The following RBPJ variants were observed in gnomAD, a reference collection of about 807,000 sequenced individuals.
RBPJ encodes recombining binding protein suppressor of hairless.
Under a neutral mutation model 67.8 loss-of-function variants are expected in RBPJ, and 9 were observed. The ratio of observed to expected loss-of-function variants is 0.13; its 90% CI spans 0.08 to 0.23. The LOEUF (loss-of-function observed/expected upper bound fraction) is 0.23. Among genes scored for constraint, RBPJ ranks in the 10% least tolerant of loss-of-function variants. The probability of loss-of-function intolerance (pLI) is 1.00; values close to 1 mark genes in which losing one functional copy is unlikely to be tolerated. For missense variants in RBPJ, 305 were observed against 595.6 expected (o/e 0.51, Z 5.08); for synonymous variants, 198 against 203.3 (o/e 0.97, Z 0.22).
chr4:26,381,169 G>A (rs556138800), intron 1 of RBPJ, among the ~76,000 whole-genome samples: 1 of 151,062 alleles, frequency 6.6e-6, no homozygotes, highest in South Asian at 2.1e-4. Context: ...GTGTTAAGAT[G>A]GTGTAGTTTT....
chr4:26,134,473 G>A, the RBPJ span, among the ~76,000 whole-genome samples: 1 of 152,230 alleles, frequency 6.6e-6, no homozygotes, highest in African/African-American at 2.4e-5. Flanking sequence ...AGCCCTGAGA[G>A]TGGAGGACTG....
Position 26,364,598 on chromosome 4 carries a change from CTT to C in RBPJ, c.21-21742_21-21741del, listed in dbSNP as rs10939108. On this transcript the variant is annotated intron_variant, in intron 1 of 10. Transcript: ENST00000355476. ...GGGAAGTCCTGTTCTATTTGGAAGA[CTT>C]TTTTTTTTTTTTCTTTTTCATTTTC... Among the ~76,000 whole-genome samples, 664 of 125,376 alleles carry C rather than the reference CTT, an allele frequency of 5.3e-3. 7 individuals are homozygous for C. Among genetic ancestry groups the C allele is most frequent in the African/African-American group, 0.015 (511 of 33,678 alleles). The allele number at this position is 125,376 out of a possible 152,430, so 82.3% of individuals were successfully genotyped here.
chr4:26,166,833 G>A (rs1177438941), intron 1 of RBPJ, among the ~76,000 whole-genome samples: 1 of 152,006 alleles, frequency 6.6e-6, no homozygotes, highest in Non-Finnish European at 1.5e-5. Flanking sequence ...TTTCTTCTAG[G>A]GTTTTTATGG....
chr4:26,360,274 A>G (rs1374086050), intron 1 of RBPJ, among the ~76,000 whole-genome samples: 1 of 152,218 alleles, frequency 6.6e-6, no homozygotes, highest in East Asian at 1.9e-4. Flanking sequence ...CCTGCCTGGA[A>G]AAGCCATTCC....
At chr4:26,304,544 G>T (rs1722172215) in intron 1 of RBPJ, among the ~76,000 whole-genome samples, 2 of 152,230 alleles carry the variant, frequency 1.3e-5, no homozygotes, top group Non-Finnish European at 2.9e-5. Flanking sequence ...ACTAGCAGGT[G>T]AGAAATGGTA....
intron 1 of RBPJ, among the ~76,000 whole-genome samples, chr4:26,324,765 G>A (rs1287204705): frequency 6.6e-6 from 1 of 152,152 alleles, no homozygotes; most frequent in African/African-American, 2.4e-5. Context: ...CTGACCTCAA[G>A]GGATCTGCCC....
intron 1 of RBPJ, among the ~76,000 whole-genome samples, chr4:26,191,277 C>T (rs1717534994): frequency 8.0e-6 from 1 of 124,320 alleles, no homozygotes; most frequent in Middle Eastern, 6.2e-3. Flanking sequence ...AGAGAGAGAT[C>T]GTATCAAGTG....
At chr4:26,320,835 A>G (rs756852858), upstream of RBPJ, 52 of 1,563,538 alleles carry the variant, frequency 3.3e-5, no homozygotes, top group Non-Finnish European at 4.2e-5. Flanking sequence ...CAGGGAAGGC[A>G]GCGAGCAGGA....
chr4:26,318,791 G>A (rs1722754086), upstream of RBPJ, among the ~76,000 whole-genome samples: 1 of 151,860 alleles, frequency 6.6e-6, no homozygotes, highest in South Asian at 2.1e-4. Flanking sequence ...GAGGTCAGGA[G>A]ATCGAGACCA....
intron 1 of RBPJ, among the ~76,000 whole-genome samples, chr4:26,309,756 A>T (rs908763386): frequency 1.3e-5 from 2 of 152,212 alleles, no homozygotes; most frequent in Non-Finnish European, 2.9e-5. Flanking sequence ...ATTCCCTTAT[A>T]AATAGATAAC....
chr4:26,268,738 G>A (rs547499752), intron 1 of RBPJ, among the ~76,000 whole-genome samples: 3 of 152,028 alleles, frequency 2.0e-5, no homozygotes, highest in African/African-American at 4.8e-5. Flanking sequence ...CCTGGCTGAG[G>A]GGGGAGGGGC....
At chr4:26,315,570 G>A (rs769912789), upstream of RBPJ, among the ~76,000 whole-genome samples, 6 of 152,038 alleles carry the variant, frequency 3.9e-5, no homozygotes, top group Admixed American at 3.9e-4. Flanking sequence ...ACTGATGAGG[G>A]TTTATGTTCA....
intron 1 of RBPJ, among the ~76,000 whole-genome samples, chr4:26,165,881 A>C (rs1209427300): frequency 1.7e-5 from 2 of 114,306 alleles, no homozygotes; most frequent in East Asian, 2.4e-4. Context: ...CCCACCCCAC[A>C]ACAGTCCCCA....
At chr4:26,403,469 T>TA (rs2109731380) in intron 2 of RBPJ, among the ~76,000 whole-genome samples, 1 of 152,310 alleles carries the variant, frequency 6.6e-6, no homozygotes, top group South Asian at 2.1e-4. Flanking sequence ...GTTTGTTGAT[T>TA]ATTTCATCAC....
chr4:26,249,367 GA>G (rs761674651), intron 1 of RBPJ, among the ~76,000 whole-genome samples: 5 of 152,088 alleles, frequency 3.3e-5, no homozygotes, highest in Non-Finnish European at 5.9e-5. Context: ...ATAGTATTAA[GA>G]GATGGGGTCA....
the RBPJ span, among the ~76,000 whole-genome samples, chr4:26,125,978 G>A: frequency 1.3e-5 from 2 of 152,040 alleles, no homozygotes; most frequent in Admixed American, 1.3e-4. Flanking sequence ...TATGGTGTCT[G>A]TCACACACAA....
At chr4:26,296,852 C>T (rs1473901135) in intron 1 of RBPJ, among the ~76,000 whole-genome samples, 3 of 152,198 alleles carry the variant, frequency 2.0e-5, no homozygotes, top group Non-Finnish European at 2.9e-5. Context: ...GGCAAAGACT[C>T]AAAATGATCA....
intron 1 of RBPJ, among the ~76,000 whole-genome samples, chr4:26,226,335 A>G (rs182682341): frequency 1.3e-5 from 2 of 152,136 alleles, no homozygotes; most frequent in African/African-American, 2.4e-5. Flanking sequence ...TTAGCCAGGT[A>G]TGGTGCTTCC....
chr4:26,115,320 T>C, the RBPJ span, among the ~76,000 whole-genome samples: 7 of 152,240 alleles, frequency 4.6e-5, no homozygotes, highest in Non-Finnish European at 1.0e-4. Flanking sequence ...TTTGTGAGGT[T>C]TTAAACTACC....
Sources: gnomAD v4.1 joint callset for allele counts (sites outside exome capture counted in the v4.1 genomes callset) on GRCh38, gnomAD v4.1.1 for gene constraint, MANE v1.5 for transcripts, NCBI Gene and HGNC (gene_info 2026-07-23, HGNC 2026-07-21) for gene names.